The following MRPL3 variants were observed in gnomAD, a reference collection of about 807,000 sequenced individuals.
MRPL3 encodes large ribosomal subunit protein uL3m.
MRPL3 carries 43 observed loss-of-function variants against 44.3 expected under a neutral mutation model. The observed-to-expected ratio is 0.97, with a 90% CI of 0.76 to 1.25. The LOEUF is 1.25. Ranked by LOEUF, MRPL3 falls within the 50% of genes most tolerant of loss-of-function variation. The probability of loss-of-function intolerance (pLI) is 0.00; values close to 1 mark genes in which losing one functional copy is unlikely to be tolerated. For synonymous variants in MRPL3, 171 were observed against 152.3 expected, an observed-to-expected ratio of 1.12 and a Z score of -0.91; for missense variants, 406 against 427.6, an observed-to-expected ratio of 0.95 and a Z score of 0.45.
intron 4 of MRPL3, among the ~76,000 whole-genome samples, chr3:131,491,442 T>C (rs1364733215): frequency 1.3e-5 from 2 of 152,188 alleles, no homozygotes; most frequent in South Asian, 2.1e-4. Context: ...CTTTGAACTA[T>C]ACATTCACAT....
At chr3:131,502,150 A>T (rs1056186255) in intron 1 of MRPL3, among the ~76,000 whole-genome samples, 4 of 152,184 alleles carry the variant, frequency 2.6e-5, no homozygotes, top group Admixed American at 2.0e-4. Flanking sequence ...GGGTGTGCAA[A>T]GTTAAAAGAT....
At chr3:131,472,045 A>G (rs754409231) in intron 6 of MRPL3, among the ~76,000 whole-genome samples, 61 of 152,326 alleles carry the variant, frequency 4.0e-4, no homozygotes, top group Non-Finnish European at 6.9e-4. Context: ...GAGAGACCCC[A>G]AGTCAGAGGC....
chr3:131,485,128 A>G (rs1465399626), intron 6 of MRPL3, among the ~76,000 whole-genome samples: 1 of 152,192 alleles, frequency 6.6e-6, no homozygotes, highest in African/African-American at 2.4e-5. Flanking sequence ...GTTTTCTATG[A>G]AAATGATCTT....
intron 4 of MRPL3, among the ~76,000 whole-genome samples, chr3:131,490,532 T>C (rs921087460): frequency 2.0e-5 from 3 of 152,240 alleles, no homozygotes; most frequent in Admixed American, 1.3e-4. Flanking sequence ...GGCCTGCTTA[T>C]ATCTAGAGAT....
In MRPL3 at chr3:131,487,665, G is replaced by A. The variant is rs781742364; in HGVS notation, c.629+15C>T. The A allele has an allele frequency of 1.3e-5, 21 of 1,600,390 alleles. No individual in the cohort carries two copies. The East Asian group carries it at 2.5e-4, about 19-fold the overall frequency. On this transcript the variant is annotated intron_variant, in intron 6 of 9. Transcript: ENST00000264995. ...TGAAAACAAAAGGAAAAGAGAACTC[G>A]CTATGAGGACCTACGTTTTGGCTGT...
In MRPL3 at chr3:131,501,725, G is replaced by GA; in HGVS notation, c.93-11dup. ...AAGCCAGATGTGTGTTCTATAAAAA[G>GA]AAAAAATAAATAAAACCAAACCACA... On this transcript the variant is annotated splice_polypyrimidine_tract_variant and intron_variant, in intron 1 of 9. Transcript: ENST00000264995. 1 of 1,594,918 alleles carries GA rather than the reference G, an allele frequency of 6.3e-7. No individual in the cohort carries two copies. The highest frequency in any genetic ancestry group is 8.5e-7 in the Non-Finnish European group (1 of 1,173,660).
intron 6 of MRPL3, 141 bp from the exon 7 acceptor site, chr3:131,471,420 CA>C: frequency 1.6e-6 from 1 of 622,556 alleles, no homozygotes; most frequent in Admixed American, 3.0e-5. Context: ...AAAGGCTATA[CA>C]ACTAAAACTG....
chr3:131,483,729 ACTGT>A (rs1276432804), intron 6 of MRPL3, among the ~76,000 whole-genome samples: 1 of 152,178 alleles, frequency 6.6e-6, no homozygotes, highest in African/African-American at 2.4e-5. Context: ...TTTTTAAAAA[ACTGT>A]CTGCAGACAA....
intron 9 of MRPL3, among the ~76,000 whole-genome samples, chr3:131,465,891 CT>C (rs55635822): frequency 0.14 from 19,139 of 133,168 alleles, 699 homozygotes; most frequent in Middle Eastern, 0.19. Context: ...CTTTTTCTCT[CT>C]TTTTTTTTTT....
At chr3:131,482,418 G>A (rs1250405701) in intron 6 of MRPL3, among the ~76,000 whole-genome samples, 2 of 152,008 alleles carry the variant, frequency 1.3e-5, no homozygotes, top group Non-Finnish European at 2.9e-5. Context: ...GGGAGGCTGA[G>A]GCAGGAGAAT....
At chr3:131,488,640 A>AT (rs879861202) in intron 5 of MRPL3, 1 of 152,056 alleles carries the variant, frequency 6.6e-6, no homozygotes, top group Non-Finnish European at 1.5e-5. Context: ...AATAAGATAC[A>AT]TTTTTTTAAA....
chr3:131,465,903 T>TG (rs1273088097), intron 9 of MRPL3, among the ~76,000 whole-genome samples: 1 of 150,900 alleles, frequency 6.6e-6, no homozygotes. Context: ...TTTTTTTTTT[T>TG]TTTTGTTTTT....
intron 4 of MRPL3, among the ~76,000 whole-genome samples, chr3:131,495,994 CTTG>C (rs1291283638): frequency 1.3e-5 from 2 of 152,206 alleles, no homozygotes; most frequent in African/African-American, 4.8e-5. Flanking sequence ...TCCCACATCA[CTTG>C]TTTTCTCACT....
intron 8 of MRPL3, among the ~76,000 whole-genome samples, chr3:131,468,423 A>T (rs1933669829): frequency 6.6e-6 from 1 of 152,168 alleles, no homozygotes; most frequent in African/African-American, 2.4e-5. Context: ...GACTATTTGG[A>T]TATTTCAAAG....
chr3:131,465,035 A>G (rs896623218), intron 9 of MRPL3, among the ~76,000 whole-genome samples: 2 of 152,264 alleles, frequency 1.3e-5, no homozygotes, highest in African/African-American at 4.8e-5. Flanking sequence ...TACCTTAATT[A>G]ATGCCTGGGC....
chr3:131,499,843 A>C (rs1934455033), intron 3 of MRPL3, among the ~76,000 whole-genome samples: 1 of 150,286 alleles, frequency 6.7e-6, no homozygotes, highest in Middle Eastern at 3.2e-3. Flanking sequence ...CATCTGGTGC[A>C]ATCTACACAA....
intron 6 of MRPL3, among the ~76,000 whole-genome samples, chr3:131,479,849 AAAAG>A (rs1184637187): frequency 2.6e-5 from 4 of 152,250 alleles, no homozygotes; most frequent in African/African-American, 9.6e-5. Flanking sequence ...CGTCTCAAAA[AAAAG>A]AATTAAGATA....
intron 9 of MRPL3, among the ~76,000 whole-genome samples, chr3:131,465,086 T>C (rs1405170845): frequency 1.3e-5 from 2 of 152,238 alleles, no homozygotes; most frequent in African/African-American, 4.8e-5. Flanking sequence ...TTAAGCACCA[T>C]ATTTCAAAGA....
intron 6 of MRPL3, among the ~76,000 whole-genome samples, chr3:131,474,691 G>C (rs781768864): frequency 6.6e-6 from 1 of 151,056 alleles, no homozygotes; most frequent in Non-Finnish European, 1.5e-5. Flanking sequence ...AATAAAATTT[G>C]TCTTTGATTA....
Sources: allele counts gnomAD v4.1 joint callset (sites outside exome capture counted in the v4.1 genomes callset), GRCh38; gene constraint gnomAD v4.1.1; transcripts MANE v1.5; gene names NCBI Gene and HGNC (gene_info 2026-07-23, HGNC 2026-07-21).